VWA8: variants seen among roughly 807,000 people sequenced by gnomAD.
The protein encoded by VWA8 is von Willebrand factor A domain containing 8.
VWA8 carries 221 observed loss-of-function variants against 241.5 expected under a neutral mutation model. That is an observed-to-expected ratio of 0.91 (90% CI 0.82 to 1.02). VWA8 has a LOEUF of 1.02. Ranked by LOEUF, VWA8 falls within the 50% of genes least tolerant of loss-of-function variation. The probability of loss-of-function intolerance (pLI) is 0.00; values close to 1 mark genes in which losing one functional copy is unlikely to be tolerated. For missense variants in VWA8, 2,322 were observed against 2,328.7 expected, an observed-to-expected ratio of 1.00 and a Z score of 0.06; for synonymous variants, 852 against 827.1, an observed-to-expected ratio of 1.03 and a Z score of -0.52.
chr13:41,778,147 T>G, intron 19 of VWA8, 91 bp from the exon 20 acceptor site: 1 of 814,844 alleles, frequency 1.2e-6, no homozygotes. Flanking sequence ...AGAATATAAA[T>G]ATCTATTATA....
At chr13:41,797,195 T>C (rs34557485) in intron 17 of VWA8, among the ~76,000 whole-genome samples, 27,512 of 134,860 alleles carry the variant, frequency 0.2, 3,255 homozygotes, top group East Asian at 0.38. Context: ...CACACCCAAG[T>C]ATTTTTTTTT....
At chr13:41,822,684 C>A (rs1871011655) in intron 14 of VWA8, among the ~76,000 whole-genome samples, 1 of 152,106 alleles carries the variant, frequency 6.6e-6, no homozygotes, top group Admixed American at 6.6e-5. Context: ...AGAAGAGGTA[C>A]ACTCTCTGAA....
chr13:41,615,130 C>A, intron 37 of VWA8, 46 bp from the exon 38 acceptor site: 2 of 1,594,800 alleles, frequency 1.3e-6, no homozygotes, highest in South Asian at 1.1e-5. Context: ...GTGACAAACA[C>A]CAGGGACTGC....
At chr13:41,814,049 T>G (rs1208758555) in intron 16 of VWA8, among the ~76,000 whole-genome samples, 1 of 152,160 alleles carries the variant, frequency 6.6e-6, no homozygotes, top group Non-Finnish European at 1.5e-5. Context: ...TATTTTTCTA[T>G]TCTTCATTTT....
intron 40 of VWA8, among the ~76,000 whole-genome samples, chr13:41,595,153 A>C (rs2044479816): frequency 6.6e-6 from 1 of 151,982 alleles, no homozygotes; most frequent in Non-Finnish European, 1.5e-5. Context: ...AAAACATGTA[A>C]CTCTCAGTTT....
chr13:41,877,199 G>T (rs946363140), intron 9 of VWA8, among the ~76,000 whole-genome samples: 1 of 151,908 alleles, frequency 6.6e-6, no homozygotes, highest in Non-Finnish European at 1.5e-5. Context: ...CTATACTCAC[G>T]TGTCCAAGGT....
intron 21 of VWA8, among the ~76,000 whole-genome samples, chr13:41,747,186 G>A (rs2045614567): frequency 6.6e-6 from 1 of 152,100 alleles, no homozygotes; most frequent in African/African-American, 2.4e-5. Flanking sequence ...AATTACCTTG[G>A]GCAGTATGGC....
At chr13:41,610,982 T>C (rs1349219547) in intron 39 of VWA8, among the ~76,000 whole-genome samples, 2 of 152,188 alleles carry the variant, frequency 1.3e-5, no homozygotes, top group Admixed American at 6.5e-5. Context: ...CCCGAGCTGG[T>C]ACCCATTATC....
chr13:41,599,783 C>G (rs915612030), intron 40 of VWA8, among the ~76,000 whole-genome samples: 3 of 152,144 alleles, frequency 2.0e-5, no homozygotes, highest in African/African-American at 7.2e-5. Flanking sequence ...ATGGGGCCAA[C>G]TTTGGGCATT....
intron 37 of VWA8, among the ~76,000 whole-genome samples, chr13:41,643,441 T>C (rs1221230051): frequency 6.6e-6 from 1 of 152,224 alleles, no homozygotes; most frequent in Non-Finnish European, 1.5e-5. Flanking sequence ...TAGTGCATAG[T>C]AGATCCTCAA....
intron 21 of VWA8, among the ~76,000 whole-genome samples, chr13:41,745,467 G>A (rs1051987934): frequency 1.3e-5 from 2 of 152,010 alleles, no homozygotes; most frequent in African/African-American, 2.4e-5. Context: ...ATCTGACAAA[G>A]GGCTAATATC....
intron 1 of VWA8, 98 bp downstream of exon 1, chr13:41,960,755 A>T: frequency 7.1e-7 from 1 of 1,400,540 alleles, no homozygotes; most frequent in Non-Finnish European, 9.3e-7. Flanking sequence ...CGGTCCTTCC[A>T]AGCGCAGCGA....
intron 9 of VWA8, among the ~76,000 whole-genome samples, chr13:41,871,777 T>C (rs1019935987): frequency 1.3e-5 from 2 of 152,200 alleles, no homozygotes; most frequent in African/African-American, 4.8e-5. Flanking sequence ...CATGTGCATG[T>C]GTCTTTATAG....
At chr13:41,657,590 C>T (rs537798584) in intron 37 of VWA8, among the ~76,000 whole-genome samples, 18 of 151,694 alleles carry the variant, frequency 1.2e-4, no homozygotes, top group African/African-American at 3.1e-4. Context: ...CCCGGGTTCA[C>T]GCCATTCTCC....
intron 22 of VWA8, among the ~76,000 whole-genome samples, 194 bp from the exon 23 acceptor site, chr13:41,729,871 T>G (rs996444569): frequency 6.6e-6 from 1 of 151,322 alleles, no homozygotes; most frequent in African/African-American, 2.4e-5. Flanking sequence ...AACAAAATTT[T>G]GGGATTTCTA....
intron 5 of VWA8, 115 bp from the exon 6 acceptor site, chr13:41,887,476 ACT>A: frequency 8.8e-7 from 1 of 1,142,306 alleles, no homozygotes; most frequent in South Asian, 1.8e-5. Context: ...ATTGGAGAAC[ACT>A]CTCAAATCCA....
chr13:41,728,786 T>C (rs1166707284), intron 23 of VWA8, among the ~76,000 whole-genome samples: 1 of 152,128 alleles, frequency 6.6e-6, no homozygotes, highest in Non-Finnish European at 1.5e-5. Flanking sequence ...GGTGATGCAC[T>C]TGTACCTTTT....
intron 23 of VWA8, among the ~76,000 whole-genome samples, chr13:41,727,709 C>G (rs1229677724): frequency 2.0e-5 from 3 of 152,220 alleles, no homozygotes; most frequent in African/African-American, 7.2e-5. Context: ...TAGTTTTTAT[C>G]AAATCAGTAA....
rs577959809 is a variant in VWA8, at chr13:41,728,669, T to C, written c.2638+873A>G. On this transcript the variant is annotated intron_variant, in intron 23 of 44. Coordinates refer to ENST00000379310, the MANE Select transcript of VWA8 (RefSeq NM_015058.2). Reference sequence around the variant, plus strand: ...TCAGGGTAACTCAAATTCTAATTTTTCACATAAATTCATTGTGAAACTGAA... The same window carrying C: ...TCAGGGTAACTCAAATTCTAATTTTCCACATAAATTCATTGTGAAACTGAA... Among the ~76,000 whole-genome samples the C allele has an allele frequency of 3.9e-5, 6 of 152,128 alleles. No individual in the cohort carries two copies. In the East Asian group the frequency reaches 9.7e-4, roughly 24 times the overall value.
Sources: allele counts gnomAD v4.1 joint callset (sites outside exome capture counted in the v4.1 genomes callset), GRCh38; gene constraint gnomAD v4.1.1; transcripts MANE v1.5; gene names NCBI Gene and HGNC (gene_info 2026-07-23, HGNC 2026-07-21).